Variants in PELI1 observed in about 807,000 individuals in gnomAD.
PELI1 encodes pellino E3 ubiquitin protein ligase 1.
PELI1 carries 15 observed loss-of-function variants against 41.3 expected under a neutral mutation model. The ratio of observed to expected loss-of-function variants is 0.36; its 90% CI spans 0.24 to 0.56. The LOEUF is 0.56. Ranked by LOEUF, PELI1 falls within the 20% of genes least tolerant of loss-of-function variation. The pLI is 0.82. For missense variants in PELI1, 403 were observed against 525.5 expected, an observed-to-expected ratio of 0.77 and a Z score of 2.28; for synonymous variants, 178 against 180.1, an observed-to-expected ratio of 0.99 and a Z score of 0.09.
chr2:64,135,494 A>C (rs80217858), intron 1 of PELI1, among the ~76,000 whole-genome samples: 3,146 of 152,266 alleles, frequency 0.021, 99 homozygotes, highest in African/African-American at 0.07. Flanking sequence ...TTCCAAGTCT[A>C]CTTTATAAGT....
At chr2:64,103,785 A>G (rs1680527381) in intron 3 of PELI1, among the ~76,000 whole-genome samples, 1 of 152,204 alleles carries the variant, frequency 6.6e-6, no homozygotes, top group African/African-American at 2.4e-5. Flanking sequence ...TTAATTTACA[A>G]AGATATGCTT....
Position 64,094,655 on chromosome 2 carries a change from CACTT to C in PELI1, c.*43_*46del, listed in dbSNP as rs1338726058. The C allele has an allele frequency of 7.0e-7, 1 of 1,437,804 alleles. No individual in the cohort carries two copies. The highest frequency in any genetic ancestry group is 9.7e-7 in the Non-Finnish European group (1 of 1,033,498). 89.1% of individuals were successfully genotyped at this position (1,437,804 alleles called of 1,614,324 possible). On this transcript the variant is annotated 3_prime_UTR_variant, in exon 7 of 7. Transcript: ENST00000358912. ...GGACAACAGGTTCGAAAACCCAACTCACTTAGCTTATAAATTTATAATGTAGTCC... is the reference window on the plus strand; with the variant it reads ...GGACAACAGGTTCGAAAACCCAACTCAGCTTATAAATTTATAATGTAGTCC...
At chr2:64,110,323 A>G (rs964060484) in intron 1 of PELI1, among the ~76,000 whole-genome samples, 6 of 152,042 alleles carry the variant, frequency 3.9e-5, no homozygotes, top group African/African-American at 1.4e-4. Flanking sequence ...TATAACGACA[A>G]TTAGACTGAC....
intron 1 of PELI1, among the ~76,000 whole-genome samples, chr2:64,125,940 T>C (rs1019740714): frequency 6.6e-6 from 1 of 152,228 alleles, no homozygotes; most frequent in African/African-American, 2.4e-5. Context: ...ATATGAAACA[T>C]AAATGAATTT....
At chr2:64,112,867 G>T (rs1345872311) in intron 1 of PELI1, among the ~76,000 whole-genome samples, 3 of 152,020 alleles carry the variant, frequency 2.0e-5, no homozygotes, top group South Asian at 2.1e-4. Flanking sequence ...AAAGATTCAT[G>T]ATCTTCCCAA....
chr2:64,125,270 C>T (rs1163022783), intron 1 of PELI1, among the ~76,000 whole-genome samples: 2 of 152,102 alleles, frequency 1.3e-5, no homozygotes, highest in South Asian at 2.1e-4. Flanking sequence ...GTCCTTCTGG[C>T]GACCAGCCCC....
chr2:64,140,817 ACCTAGGGGCAG>A (rs1681889809), intron 1 of PELI1, among the ~76,000 whole-genome samples: 1 of 148,468 alleles, frequency 6.7e-6, no homozygotes, highest in Non-Finnish European at 1.5e-5. Context: ...ACAAAAAAAA[ACCTAGGGGCAG>A]AACTTGAAAT....
Position 64,108,156 on chromosome 2 carries a change from CA to C in PELI1, c.71+83del, listed in dbSNP as rs879155581. ...TTGGAAGCAGGTAAGATATAAATTCCAAAAAAAAAAGTACTTTTAGCCTAGA... is the reference window on the plus strand; with the variant it reads ...TTGGAAGCAGGTAAGATATAAATTCCAAAAAAAAAGTACTTTTAGCCTAGA... On this transcript the variant is annotated intron_variant, in intron 2 of 6. Coordinates refer to ENST00000358912, the MANE Select transcript of PELI1 (RefSeq NM_020651.4). 9.7e-3 allele frequency: 6,008 copies of C among 620,246 alleles called. 1 individual carries two copies. Among genetic ancestry groups the C allele is most frequent in the South Asian group, 0.016 (782 of 48,566 alleles). 38.4% of individuals were successfully genotyped at this position (620,246 alleles called of 1,614,324 possible). A position where few individuals can be genotyped will look rare whatever the true frequency, so the allele number is the denominator to read the frequency against.
chr2:64,095,285 T>C lies in PELI1; in HGVS notation c.691-17A>G. 1 of 1,566,464 alleles carries C rather than the reference T, an allele frequency of 6.4e-7. No homozygotes were observed. The stretch of plus-strand genomic sequence containing the variant: ...AATTTCCACCTAGAGGAGACAAGAG[T>C]TGAAAAACATATTCACCACTCTGTT... On this transcript the variant is annotated splice_polypyrimidine_tract_variant and intron_variant, in intron 6 of 6. Coordinates refer to ENST00000358912, the MANE Select transcript of PELI1 (RefSeq NM_020651.4).
At position 64,100,558 on chromosome 2, in the gene PELI1, CTT is replaced by C. The variant is rs1197731230; in HGVS notation, c.202-61_202-60del. ...AGGCAGGTCAATCCAATCAGATAAT[CTT>C]TTCATTAAAAAAAGGGAAAACTATT... On this transcript the variant is annotated intron_variant, in intron 3 of 6. Coordinates refer to ENST00000358912, the MANE Select transcript of PELI1 (RefSeq NM_020651.4). 4 of 828,440 alleles carry C rather than the reference CTT, an allele frequency of 4.8e-6. No homozygotes were observed. The Admixed American group carries it at 7.9e-5, about 16-fold the overall frequency. 51.3% of individuals were successfully genotyped at this position (828,440 alleles called of 1,614,324 possible).
At chr2:64,120,938 G>A (rs1681188184) in intron 1 of PELI1, among the ~76,000 whole-genome samples, 2 of 152,156 alleles carry the variant, frequency 1.3e-5, no homozygotes, top group African/African-American at 4.8e-5. Flanking sequence ...GTAACTTAAT[G>A]CCTTGGCACA....
At chr2:64,105,893 TGAGGCTG>T (rs1680602865) in intron 2 of PELI1, among the ~76,000 whole-genome samples, 1 of 150,634 alleles carries the variant, frequency 6.6e-6, no homozygotes, top group Non-Finnish European at 1.5e-5. Flanking sequence ...GGGACAGTTT[TGAGGCTG>T]GAGGAGGAAG....
intron 1 of PELI1, among the ~76,000 whole-genome samples, chr2:64,134,650 A>G (rs567103098): frequency 6.6e-6 from 1 of 152,186 alleles, no homozygotes; most frequent in Non-Finnish European, 1.5e-5. Context: ...AATGACAGTG[A>G]GAACAATTCA....
At chr2:64,117,598 A>G (rs941792855) in intron 1 of PELI1, among the ~76,000 whole-genome samples, 1 of 152,208 alleles carries the variant, frequency 6.6e-6, no homozygotes, top group African/African-American at 2.4e-5. Context: ...AAACAGAAAA[A>G]TGTAGTTGAA....
chr2:64,139,734 C>T (rs1681835520), intron 1 of PELI1, among the ~76,000 whole-genome samples: 1 of 152,224 alleles, frequency 6.6e-6, no homozygotes, highest in African/African-American at 2.4e-5. Context: ...CATCAATAAA[C>T]ACTGAATGTA....
At chr2:64,134,942 C>G (rs560826313) in intron 1 of PELI1, among the ~76,000 whole-genome samples, 4 of 152,212 alleles carry the variant, frequency 2.6e-5, no homozygotes, top group African/African-American at 9.6e-5. Flanking sequence ...AGAAAAATAT[C>G]AGGGCCAGTC....
chr2:64,125,305 A>G (rs1409802296), intron 1 of PELI1, among the ~76,000 whole-genome samples: 1 of 152,038 alleles, frequency 6.6e-6, no homozygotes, highest in East Asian at 1.9e-4. Context: ...TCAGGGCCCC[A>G]CCCTAAGTTA....
chr2:64,108,869 A>T (rs895739795), intron 1 of PELI1, among the ~76,000 whole-genome samples: 1 of 152,368 alleles, frequency 6.6e-6, no homozygotes, highest in Middle Eastern at 3.4e-3. Context: ...CTCTAGCCAA[A>T]GAAACAAGAA....
intron 1 of PELI1, 70 bp from the exon 2 acceptor site, chr2:64,108,449 A>G (rs1418318096): frequency 4.7e-6 from 3 of 645,042 alleles, no homozygotes; most frequent in Non-Finnish European, 8.3e-6. Flanking sequence ...GTTATTTTTC[A>G]GCAGTCCTCT....
Sources: gnomAD v4.1 joint callset for allele counts (sites outside exome capture counted in the v4.1 genomes callset) on GRCh38, gnomAD v4.1.1 for gene constraint, MANE v1.5 for transcripts, NCBI Gene and HGNC (gene_info 2026-07-23, HGNC 2026-07-21) for gene names.